Variants in CROCC2 observed in about 807,000 individuals in gnomAD.
CROCC2 encodes the protein ciliary rootlet coiled-coil protein 2.
Under a neutral mutation model 177.6 loss-of-function variants are expected in CROCC2, and 163 were observed. That is an observed-to-expected ratio of 0.92 (90% CI 0.81 to 1.05). CROCC2 has a LOEUF of 1.05. Among genes scored for constraint, CROCC2 ranks in the 50% least tolerant of loss-of-function variants. The pLI, the probability that CROCC2 is intolerant of heterozygous loss-of-function variation, is 0.00. For missense variants in CROCC2, 1,929 were observed against 1,797.8 expected, an observed-to-expected ratio of 1.07 and a Z score of -1.32; for synonymous variants, 904 against 787.3, an observed-to-expected ratio of 1.15 and a Z score of -2.48.
At position 240,982,870 on chromosome 2, in the gene CROCC2, T is replaced by A. The variant is rs1362799607; in HGVS notation, c.4402-10T>A. ...GTCTCCAGGTGGACCCTGTGTCTCC[T>A]TCCCCCCAGGAGCAACTGGAAACGC... On this transcript the variant is annotated splice_polypyrimidine_tract_variant and intron_variant, in intron 27 of 31. Transcript: ENST00000690015. The surrounding 1 kb of genome is among the most constrained non-coding windows in gnomAD (Gnocchi z 4.7). 6.5e-7 allele frequency: 1 copy of A among 1,544,990 alleles called. No individual in the cohort carries two copies. Among genetic ancestry groups the A allele is most frequent in the African/African-American group, 1.4e-5 (1 of 72,914 alleles).
At chr2:240,950,534 C>T (rs549011961) in intron 18 of CROCC2, 24 bp downstream of exon 18, 127 of 1,535,670 alleles carry the variant, frequency 8.3e-5, no homozygotes, top group Non-Finnish European at 1.0e-4. Context: ...TGGGGGGCAG[C>T]GGGATTGCTC....
intron 10 of CROCC2, 48 bp from the exon 11 acceptor site, chr2:240,933,621 AC>A: frequency 1.3e-6 from 2 of 1,526,100 alleles, no homozygotes; most frequent in Non-Finnish European, 1.8e-6. Flanking sequence ...CACGCGGTGC[AC>A]CTTGAATGTG....
chr2:240,934,112 A>G (rs903899311), intron 11 of CROCC2, among the ~76,000 whole-genome samples: 3 of 125,832 alleles, frequency 2.4e-5, no homozygotes, highest in Admixed American at 8.1e-5. Flanking sequence ...GTGGGGCCCC[A>G]CCCCTCCCGT....
rs867539450 is a variant in CROCC2, at chr2:240,932,298, C to G, written c.948-20C>G. The G allele has an allele frequency of 4.2e-6, 3 of 706,632 alleles. No homozygotes were observed. The highest frequency in any genetic ancestry group is 1.5e-5 in the South Asian group (1 of 66,614). 43.8% of individuals were successfully genotyped at this position (706,632 alleles called of 1,614,324 possible). ...CTCTGGGCCCTGCCCTTCACCCCCA[C>G]ACCCCCCGACTCCTCCCAGACTCTC... is the stretch of plus-strand genomic sequence containing the variant. On this transcript the variant is annotated intron_variant, in intron 7 of 31. Coordinates refer to ENST00000690015, the MANE Select transcript of CROCC2 (RefSeq NM_001351305.2).
Position 240,934,981 on chromosome 2 carries a change from A to G in CROCC2, c.1857A>G (p.Gln619=). 1 of 1,483,470 alleles carries G rather than the reference A, an allele frequency of 6.7e-7. No homozygotes were observed. Among genetic ancestry groups the G allele is most frequent in the Non-Finnish European group, 9.0e-7 (1 of 1,115,068 alleles). The allele number at this position is 1,483,470 out of a possible 1,614,324, so 91.9% of individuals were successfully genotyped here. A position where few individuals can be genotyped will look rare whatever the true frequency, so the allele number is the denominator to read the frequency against. ...VRRLKSEGVE[Q]RDSLAAMAAL... ...GGCTGAAGTCGGAGGGAGTGGAGCAAAGGGACTCCCTGGCCGCAATGGCCG... is the reference window on the plus strand; with the variant it reads ...GGCTGAAGTCGGAGGGAGTGGAGCAGAGGGACTCCCTGGCCGCAATGGCCG... Residue 619 remains glutamine (Q), a synonymous_variant, in exon 13 of 32, where the codon CAA becomes CAG. Transcript: ENST00000690015.
chr2:240,981,476 A>C (rs1440626683), intron 27 of CROCC2: 1 of 152,220 alleles, frequency 6.6e-6, no homozygotes, highest in Non-Finnish European at 1.5e-5. Flanking sequence ...AGAGCAACTC[A>C]CTGGGGCCAG....
In CROCC2 at chr2:240,918,997, GC is replaced by G; in HGVS notation, c.229+123del. The stretch of plus-strand genomic sequence containing the variant: ...GGGGACAGTCCTGGGCTCGCGGCTG[GC>G]CAAGGTGATGGCGTGGGGGACAGTC... On this transcript the variant is annotated intron_variant, in intron 2 of 31. Coordinates refer to ENST00000690015, the MANE Select transcript of CROCC2 (RefSeq NM_001351305.2). The surrounding 1 kb of genome is among the most constrained non-coding windows in gnomAD (Gnocchi z 6.3). The G allele has an allele frequency of 1.6e-6, 1 of 622,664 alleles. No individual in the cohort carries two copies. The highest frequency in any genetic ancestry group is 1.9e-5 in the African/African-American group (1 of 51,330). The allele number at this position is 622,664 out of a possible 1,614,324, so 38.6% of individuals were successfully genotyped here.
At chr2:240,920,869 C>A (rs927063228) in intron 3 of CROCC2, among the ~76,000 whole-genome samples, 1 of 152,240 alleles carries the variant, frequency 6.6e-6, no homozygotes, top group Admixed American at 6.5e-5. Context: ...GACATGCTGG[C>A]TTCTGAGGCA....
At chr2:240,943,984 C>A (rs1298227575) in intron 14 of CROCC2, among the ~76,000 whole-genome samples, 1 of 152,130 alleles carries the variant, frequency 6.6e-6, no homozygotes, top group Non-Finnish European at 1.5e-5. Context: ...CGTTGTATTG[C>A]TTTTCTAGTT....
chr2:240,970,458 G>A (rs561817271), intron 27 of CROCC2, among the ~76,000 whole-genome samples: 58 of 152,266 alleles, frequency 3.8e-4, no homozygotes, highest in South Asian at 1.7e-3. Context: ...TCTCCTTTCC[G>A]TGTGTCTTTC....
intron 14 of CROCC2, among the ~76,000 whole-genome samples, chr2:240,939,806 G>A (rs192955318): frequency 6.6e-5 from 10 of 152,060 alleles, no homozygotes; most frequent in East Asian, 5.8e-4. Flanking sequence ...TCTTTGCCCC[G>A]TGGATTATTT....
At position 240,917,244 on chromosome 2, in the gene CROCC2, C is replaced by T. The variant is rs902461182; in HGVS notation, c.79-1482C>T. On this transcript the variant is annotated intron_variant, in intron 1 of 31. Transcript: ENST00000690015. The surrounding 1 kb of genome is among the most constrained non-coding windows in gnomAD (Gnocchi z 4.9). ...GCAGGGCAGCAGAGTCGGAATAGGG[C>T]CTCTCCAGGCGCCATGCTGAGCCTG... Among the ~76,000 whole-genome samples the T allele has an allele frequency of 2.7e-4, 36 of 135,834 alleles. No homozygotes were observed. The highest frequency in any genetic ancestry group is 2.5e-3 in the Admixed American group (35 of 14,194). 89.1% of individuals were successfully genotyped at this position (135,834 alleles called of 152,430 possible).
intron 14 of CROCC2, among the ~76,000 whole-genome samples, chr2:240,937,035 T>C (rs2059475445): frequency 6.6e-6 from 1 of 152,238 alleles, no homozygotes; most frequent in African/African-American, 2.4e-5. Context: ...ACTGTATAGG[T>C]GTGTGTTGAA....
At chr2:240,950,252 G>A (rs372731817) in intron 17 of CROCC2, 82 bp from the exon 18 acceptor site, 74 of 1,394,080 alleles carry the variant, frequency 5.3e-5, no homozygotes, top group East Asian at 1.8e-4. Flanking sequence ...GGCATCCCAC[G>A]GGCCAGGTCT....
chr2:240,983,574 C>T (rs1481658064), intron 28 of CROCC2: 1 of 1,280,158 alleles, frequency 7.8e-7, no homozygotes, highest in East Asian at 6.0e-5. Context: ...GCTCAGCTCG[C>T]ACAGGTAGGC....
intron 28 of CROCC2, among the ~76,000 whole-genome samples, chr2:240,987,592 G>A (rs373795538): frequency 1.6e-4 from 24 of 152,302 alleles, no homozygotes; most frequent in African/African-American, 4.1e-4. Context: ...CTTAGGGCCC[G>A]AAACCAGGCC....
intron 18 of CROCC2, among the ~76,000 whole-genome samples, 190 bp from the exon 19 acceptor site, chr2:240,955,669 G>T (rs2059585860): frequency 6.6e-6 from 1 of 152,206 alleles, no homozygotes; most frequent in African/African-American, 2.4e-5. Flanking sequence ...AGGGCCCAGG[G>T]CCCAGGGCTG....
chr2:240,909,905 AG>A (rs2059276983), intron 1 of CROCC2, among the ~76,000 whole-genome samples: 1 of 152,124 alleles, frequency 6.6e-6, no homozygotes, highest in Non-Finnish European at 1.5e-5. Context: ...GGGAGACCAT[AG>A]GGCCTGAGGA....
At chr2:240,935,645 C>A in intron 14 of CROCC2, 57 bp downstream of exon 14, 1 of 1,300,172 alleles carries the variant, frequency 7.7e-7, no homozygotes. Context: ...GGTGGCAGGT[C>A]TTGCCTAAGG....
Sources: gnomAD v4.1 joint callset for allele counts (sites outside exome capture counted in the v4.1 genomes callset) on GRCh38, gnomAD v4.1.1 for gene constraint, Gnocchi (gnomAD v3.1) non-coding constraint, MANE v1.5 for transcripts, NCBI Gene and HGNC (gene_info 2026-07-23, HGNC 2026-07-21) for gene names.